ADAMTSL1: variants seen among roughly 807,000 people sequenced by gnomAD.
ADAMTSL1 encodes the protein ADAMTS-like protein 1.
Under a neutral mutation model 201.8 loss-of-function variants are expected in ADAMTSL1, and 126 were observed. The observed-to-expected ratio is 0.62, with a 90% CI of 0.54 to 0.72. ADAMTSL1 has a LOEUF of 0.72. ADAMTSL1 is among the 30% of genes least tolerant of loss of function. The pLI is 0.00. For missense variants in ADAMTSL1, 2,679 were observed against 2,277.8 expected, an observed-to-expected ratio of 1.18 and a Z score of -3.59; for synonymous variants, 1,121 against 903.4, an observed-to-expected ratio of 1.24 and a Z score of -4.32.
intron 23 of ADAMTSL1, among the ~76,000 whole-genome samples, chr9:18,856,828 T>A (rs1201084729): frequency 6.6e-6 from 1 of 152,158 alleles, no homozygotes. Flanking sequence ...CGTTACAGAC[T>A]TTGAGTTGTC....
intron 1 of ADAMTSL1, among the ~76,000 whole-genome samples, chr9:18,119,973 A>G (rs1340755414): frequency 6.6e-6 from 1 of 152,182 alleles, no homozygotes; most frequent in Admixed American, 6.6e-5. Context: ...TAGGCCATGT[A>G]TTTGTTTCCT....
intron 1 of ADAMTSL1, among the ~76,000 whole-genome samples, chr9:18,034,817 C>A (rs1821122528): frequency 6.6e-6 from 1 of 152,116 alleles, no homozygotes; most frequent in Non-Finnish European, 1.5e-5. Flanking sequence ...TCCTAAAAAA[C>A]TTTTAGTCTT....
At chr9:17,931,047 C>T (rs1192168082) in intron 1 of ADAMTSL1, among the ~76,000 whole-genome samples, 3 of 152,016 alleles carry the variant, frequency 2.0e-5, no homozygotes, top group Non-Finnish European at 4.4e-5. Flanking sequence ...AAATAAAAAC[C>T]AGTTCTCCAT....
chr9:18,494,680 T>G (rs1283429004), intron 1 of ADAMTSL1, among the ~76,000 whole-genome samples: 2 of 152,246 alleles, frequency 1.3e-5, no homozygotes, highest in Non-Finnish European at 2.9e-5. Flanking sequence ...TATGCTATGC[T>G]AATAACTTAG....
At chr9:18,408,203 T>A (rs1379507860) in intron 2 of ADAMTSL1, among the ~76,000 whole-genome samples, 1 of 152,194 alleles carries the variant, frequency 6.6e-6, no homozygotes, top group Non-Finnish European at 1.5e-5. Context: ...GCGCTGTGGC[T>A]GACACCTGCA....
At chr9:18,503,978 GCA>G in intron 1 of ADAMTSL1, among the ~76,000 whole-genome samples, 1 of 124,538 alleles carries the variant, frequency 8.0e-6, no homozygotes, top group African/African-American at 2.9e-5. Flanking sequence ...ATATGTGCAT[GCA>G]TGTGTGTGTG....
intron 2 of ADAMTSL1, among the ~76,000 whole-genome samples, chr9:18,181,919 A>T (rs1274593772): frequency 2.6e-5 from 4 of 152,224 alleles, no homozygotes; most frequent in Non-Finnish European, 5.9e-5. Context: ...TGGATTAAGA[A>T]AATGTGGCAC....
intron 1 of ADAMTSL1, among the ~76,000 whole-genome samples, chr9:18,492,635 AT>A (rs1223674227): frequency 1.3e-5 from 2 of 152,234 alleles, no homozygotes; most frequent in African/African-American, 2.4e-5. Context: ...ATTTAAAAAA[AT>A]AACTCTATGA....
At chr9:18,711,733 G>T (rs1832618566) in intron 14 of ADAMTSL1, among the ~76,000 whole-genome samples, 1 of 152,268 alleles carries the variant, frequency 6.6e-6, no homozygotes, top group Admixed American at 6.5e-5. Context: ...CTCGAACTGG[G>T]TGGAGCCCAC....
At chr9:17,989,179 C>A (rs1209779050) in intron 1 of ADAMTSL1, among the ~76,000 whole-genome samples, 1 of 151,708 alleles carries the variant, frequency 6.6e-6, no homozygotes, top group Non-Finnish European at 1.5e-5. Context: ...GGACATGAAA[C>A]CCACCTCTAA....
chr9:18,436,878 A>G (rs148957152), intron 2 of ADAMTSL1, among the ~76,000 whole-genome samples: 58 of 152,266 alleles, frequency 3.8e-4, no homozygotes, highest in African/African-American at 1.2e-3. Context: ...AGTGCCCTTG[A>G]GAGATACACC....
At chr9:18,612,418 T>A (rs1329748653) in intron 4 of ADAMTSL1, among the ~76,000 whole-genome samples, 1 of 152,200 alleles carries the variant, frequency 6.6e-6, no homozygotes. Context: ...GTGTTGCCTA[T>A]AGGCTGAATC....
intron 1 of ADAMTSL1, among the ~76,000 whole-genome samples, chr9:18,044,882 A>G (rs551879717): frequency 1.3e-5 from 2 of 152,260 alleles, no homozygotes; most frequent in Middle Eastern, 3.4e-3. Context: ...CTCCTGTACT[A>G]TGCAATATTA....
chr9:18,616,351 CT>C (rs1354445137), intron 4 of ADAMTSL1, among the ~76,000 whole-genome samples: 4 of 152,166 alleles, frequency 2.6e-5, no homozygotes, highest in African/African-American at 9.6e-5. Flanking sequence ...CAAATGTCCC[CT>C]GACCATTAGG....
At chr9:18,057,087 C>CA (rs1822225967) in intron 1 of ADAMTSL1, among the ~76,000 whole-genome samples, 1 of 152,158 alleles carries the variant, frequency 6.6e-6, no homozygotes, top group Non-Finnish European at 1.5e-5. Context: ...TGGTGAAGGT[C>CA]AAAGTTGCAC....
intron 2 of ADAMTSL1, among the ~76,000 whole-genome samples, chr9:18,217,846 G>A (rs903691887): frequency 6.6e-6 from 1 of 152,032 alleles, no homozygotes; most frequent in Non-Finnish European, 1.5e-5. Context: ...TTGGGCAGAG[G>A]AAAGTTGTTT....
chr9:18,640,475 A>G (rs1827369590), intron 7 of ADAMTSL1, among the ~76,000 whole-genome samples: 1 of 152,058 alleles, frequency 6.6e-6, no homozygotes, highest in African/African-American at 2.4e-5. Context: ...TAATACACAT[A>G]CTGAAATTAT....
At chr9:18,595,107 G>A (rs1239562187) in intron 4 of ADAMTSL1, among the ~76,000 whole-genome samples, 1 of 152,126 alleles carries the variant, frequency 6.6e-6, no homozygotes, top group Admixed American at 6.6e-5. Context: ...GTCCCAGATG[G>A]ATCTGGGGAA....
chr9:18,293,665 C>G (rs1032314847), intron 2 of ADAMTSL1, among the ~76,000 whole-genome samples: 1 of 152,186 alleles, frequency 6.6e-6, no homozygotes, highest in Non-Finnish European at 1.5e-5. Context: ...ACTTCATATG[C>G]AATTTGGCCT....
Sources: allele counts gnomAD v4.1 joint callset (sites outside exome capture counted in the v4.1 genomes callset), GRCh38; gene constraint gnomAD v4.1.1; transcripts MANE v1.5; gene names NCBI Gene and HGNC (gene_info 2026-07-23, HGNC 2026-07-21).